Variants in ADGRB3 observed in about 807,000 individuals in gnomAD.
The protein encoded by ADGRB3 is adhesion G protein-coupled receptor B3.
Under a neutral mutation model 193.4 loss-of-function variants are expected in ADGRB3, and 37 were observed. The observed-to-expected ratio is 0.19, with a 90% CI of 0.15 to 0.25. The LOEUF is 0.25. ADGRB3 is among the 10% of genes least tolerant of loss of function. ADGRB3 has a pLI of 1.00. For synonymous variants in ADGRB3, 690 were observed against 644.2 expected (o/e 1.07, Z -1.08); for missense variants, 1,637 against 1,852.9 (o/e 0.88, Z 2.14).
At chr6:69,052,025 G>A (rs1038599364) in intron 15 of ADGRB3, among the ~76,000 whole-genome samples, 1 of 152,188 alleles carries the variant, frequency 6.6e-6, no homozygotes, top group Admixed American at 6.5e-5. Flanking sequence ...TGAATAGCTG[G>A]GACTTCAGGC....
At chr6:69,051,473 A>G (rs1771391737) in intron 15 of ADGRB3, among the ~76,000 whole-genome samples, 1 of 152,206 alleles carries the variant, frequency 6.6e-6, no homozygotes, top group Non-Finnish European at 1.5e-5. Context: ...AATTTAGTAA[A>G]TGTCTATAGG....
intron 17 of ADGRB3, among the ~76,000 whole-genome samples, chr6:69,097,254 G>A (rs564396395): frequency 2.4e-4 from 37 of 152,234 alleles, no homozygotes; most frequent in African/African-American, 8.2e-4. Context: ...TAATACAAAT[G>A]TATCTCTGGT....
intron 17 of ADGRB3, among the ~76,000 whole-genome samples, chr6:69,086,855 A>C (rs1772565033): frequency 6.6e-6 from 1 of 152,126 alleles, no homozygotes; most frequent in South Asian, 2.1e-4. Context: ...TCAAAAGATG[A>C]ATACATATTT....
intron 3 of ADGRB3, among the ~76,000 whole-genome samples, chr6:68,705,677 G>T (rs1450533589): frequency 1.3e-5 from 2 of 152,190 alleles, no homozygotes; most frequent in African/African-American, 4.8e-5. Context: ...CTGAGATACG[G>T]AAACATTCAG....
intron 17 of ADGRB3, among the ~76,000 whole-genome samples, chr6:69,087,456 G>C: frequency 6.6e-6 from 1 of 152,130 alleles, no homozygotes; most frequent in East Asian, 1.9e-4. Flanking sequence ...TCTAAGAGGT[G>C]ATGAGCTCAT....
At chr6:69,261,140 C>T (rs1166550918) in intron 20 of ADGRB3, among the ~76,000 whole-genome samples, 1 of 152,016 alleles carries the variant, frequency 6.6e-6, no homozygotes, top group East Asian at 1.9e-4. Context: ...CACAAAAATA[C>T]AAGGAAAATG....
intron 15 of ADGRB3, among the ~76,000 whole-genome samples, chr6:69,058,966 T>C (rs1351989276): frequency 2.6e-5 from 4 of 152,084 alleles, no homozygotes; most frequent in African/African-American, 9.7e-5. Flanking sequence ...GTCCAATTCA[T>C]CTATAATGTT....
chr6:68,958,877 G>C (rs1248550859), intron 8 of ADGRB3, among the ~76,000 whole-genome samples: 1 of 38,242 alleles, frequency 2.6e-5, no homozygotes, highest in African/African-American at 7.8e-5. Flanking sequence ...AATAGTGTGT[G>C]TGTGTGTGTG....
intron 10 of ADGRB3, among the ~76,000 whole-genome samples, chr6:68,979,952 G>A (rs1424756092): frequency 1.3e-5 from 2 of 151,302 alleles, no homozygotes. Flanking sequence ...GTATGCCCCT[G>A]TAGGTAGACA....
chr6:69,382,754 GC>G (rs1769978612), intron 30 of ADGRB3, 76 bp from the exon 31 acceptor site: 1 of 1,106,512 alleles, frequency 9.0e-7, no homozygotes, highest in African/African-American at 1.6e-5. Flanking sequence ...TATTATTAAA[GC>G]AAAAATATTA....
chr6:69,081,254 C>A (rs1772378574), intron 17 of ADGRB3, among the ~76,000 whole-genome samples: 1 of 151,928 alleles, frequency 6.6e-6, no homozygotes, highest in Non-Finnish European at 1.5e-5. Flanking sequence ...TGATTATATT[C>A]ACACTGAAAA....
chr6:69,380,971 T>C (rs1171295627), intron 30 of ADGRB3, among the ~76,000 whole-genome samples: 1 of 151,918 alleles, frequency 6.6e-6, no homozygotes, highest in Non-Finnish European at 1.5e-5. Context: ...GATTCATTGC[T>C]ATGAAAAATG....
At chr6:68,924,419 G>A (rs953536380) in intron 3 of ADGRB3, among the ~76,000 whole-genome samples, 4 of 151,896 alleles carry the variant, frequency 2.6e-5, no homozygotes, top group African/African-American at 9.7e-5. Flanking sequence ...AGTTCCAAAA[G>A]AAAATCTATT....
At chr6:69,053,014 C>T (rs894101445) in intron 15 of ADGRB3, among the ~76,000 whole-genome samples, 2 of 152,018 alleles carry the variant, frequency 1.3e-5, no homozygotes, top group East Asian at 1.9e-4. Flanking sequence ...GGTGAAACCC[C>T]GTCTTTACTA....
At chr6:68,666,442 C>T (rs969802714) in intron 3 of ADGRB3, among the ~76,000 whole-genome samples, 1 of 151,760 alleles carries the variant, frequency 6.6e-6, no homozygotes, top group Non-Finnish European at 1.5e-5. Context: ...TTTTTCAATC[C>T]ACTTGTCCCT....
intron 17 of ADGRB3, among the ~76,000 whole-genome samples, chr6:69,132,285 T>G (rs1361095376): frequency 2.0e-5 from 3 of 152,190 alleles, no homozygotes; most frequent in Non-Finnish European, 2.9e-5. Context: ...CTCCAGCATC[T>G]GTTGTTTCCT....
intron 29 of ADGRB3, among the ~76,000 whole-genome samples, chr6:69,364,903 T>C (rs900102122): frequency 1.3e-5 from 2 of 152,110 alleles, no homozygotes; most frequent in Admixed American, 6.6e-5. Context: ...AAAAGAGATA[T>C]CATGGTTCTC....
At chr6:69,062,891 T>C (rs187537180) in intron 15 of ADGRB3, 43 bp from the exon 16 acceptor site, 7 of 1,418,206 alleles carry the variant, frequency 4.9e-6, no homozygotes, top group Non-Finnish European at 2.0e-6. Context: ...TTTATACTTT[T>C]CAGCACTCAT....
intron 17 of ADGRB3, among the ~76,000 whole-genome samples, chr6:69,149,946 G>A (rs992465717): frequency 2.0e-5 from 3 of 150,442 alleles, no homozygotes; most frequent in Admixed American, 1.3e-4. Flanking sequence ...GTGTGTGTGT[G>A]TGTGTGTGTG....
Sources: gnomAD v4.1 joint callset for allele counts (sites outside exome capture counted in the v4.1 genomes callset) on GRCh38, gnomAD v4.1.1 for gene constraint, MANE v1.5 for transcripts, NCBI Gene and HGNC (gene_info 2026-07-23, HGNC 2026-07-21) for gene names.